Variants in MUC5B observed in about 807,000 individuals in gnomAD.
MUC5B encodes the protein mucin 5B, oligomeric mucus/gel-forming.
A neutral mutation model predicts 376.9 loss-of-function variants in MUC5B; 116 were observed. That is an observed-to-expected ratio of 0.31 (90% CI 0.26 to 0.36). The LOEUF is 0.36. Ranked by LOEUF, MUC5B falls within the 10% of genes least tolerant of loss-of-function variation. The probability of loss-of-function intolerance (pLI) is 1.00; values close to 1 mark genes in which losing one functional copy is unlikely to be tolerated. For synonymous variants in MUC5B, 3,517 were observed against 3,390.9 expected (o/e 1.04, Z -1.29); for missense variants, 7,165 against 7,769.9 (o/e 0.92, Z 2.93).
rs757073271 is a variant in MUC5B at position 1,244,667 on chromosome 11, C to T, written c.7787C>T (p.Pro2596Leu). ...TTGATGSVATPSSTPGTAHTT... is the reference protein window; with the variant it reads ...TTGATGSVATLSSTPGTAHTT... ...GGGGCCACCGGCTCTGTGGCCACCC[C>T]CTCCTCCACCCCAGGAACAGCTCAC... The change falls in exon 31 of 49, where the codon CCC (proline) becomes CTC (leucine). Residue 2596 changes from proline (P) to leucine (L), a missense_variant. Pro to Leu is a moderately conservative substitution (Grantham distance 98, BLOSUM62 -3). Transcript: ENST00000529681. 1 of 1,612,574 alleles carries T rather than the reference C, an allele frequency of 6.2e-7. No individual in the cohort carries two copies. The highest frequency in any genetic ancestry group is 1.3e-5 in the African/African-American group (1 of 74,906).
Position 1,227,797 on chromosome 11 carries a change from C to A in MUC5B, c.774+16C>A, listed in dbSNP as rs556368529. 1.4e-6 allele frequency: 1 copy of A among 696,804 alleles called. No individual in the cohort carries two copies. Among genetic ancestry groups the A allele is most frequent in the Non-Finnish European group, 2.7e-6 (1 of 369,390 alleles). 43.2% of individuals were successfully genotyped at this position (696,804 alleles called of 1,614,324 possible). ...CACGGACGAGGTGAGTCCCCCGCCA[C>A]CCCCAGCTCCTGGGCAGGGACGGCC... On this transcript the variant is annotated intron_variant, in intron 7 of 48. Transcript: ENST00000529681.
chr11:1,233,962 C>T, intron 19 of MUC5B, 114 bp downstream of exon 19: 1 of 1,097,014 alleles, frequency 9.1e-7, no homozygotes, highest in Admixed American at 2.0e-5. Flanking sequence ...CGGGCCAGGT[C>T]AGTCCTCACC....
intron 35 of MUC5B, 70 bp from the exon 36 acceptor site, chr11:1,254,971 T>C: frequency 5.9e-6 from 1 of 170,616 alleles, no homozygotes; most frequent in Non-Finnish European, 9.5e-6. Context: ...GGGGAATGAG[T>C]GGGGGAGGGG....
chr11:1,243,211 A>G lies in MUC5B; in HGVS notation c.6331A>G (p.Thr2111Ala), dbSNP rs1372777842. 6.3e-7 allele frequency: 1 copy of G among 1,579,564 alleles called. No homozygotes were observed. Among genetic ancestry groups the G allele is most frequent in the Non-Finnish European group, 8.6e-7 (1 of 1,163,196 alleles). The change falls in exon 31 of 49, where the codon ACT (threonine) becomes GCT (alanine). Residue 2111 changes from threonine (T) to alanine (A), a missense_variant. Thr to Ala is a moderately conservative substitution (Grantham distance 58). Coordinates refer to ENST00000529681, the MANE Select transcript of MUC5B (RefSeq NM_002458.3). ...CACAGTGCTGACCACCACCACCACA[A>G]CTGTGGCCACTGGTTCTATGGCAAC... ...TATVLTTTTT[T>A]VATGSMATPS...
rs1371283077 is a variant in MUC5B, at chr11:1,257,685, C to A, written c.16425C>A (p.Asn5475Lys). The A allele has an allele frequency of 7.0e-6, 11 of 1,565,264 alleles. No individual in the cohort carries two copies. Among genetic ancestry groups the A allele is most frequent in the East Asian group, 2.3e-5 (1 of 42,634 alleles). Residue 5475 changes from asparagine to lysine, a missense_variant, in exon 41 of 49, where the codon AAC (asparagine) becomes AAA (lysine). By Grantham distance (94) the Asn-to-Lys change is moderately conservative. Transcript: ENST00000529681. This position sits in a 1 kb window ranked among gnomAD's most constrained non-coding sequence, Gnocchi z 8.9. ...FVTVTRPRAE[N>K]PCCPETVCVC... The stretch of plus-strand genomic sequence containing the variant: ...CCGTGACCAGGCCCCGGGCCGAGAA[C>A]CCCTGCTGCCCCGAGACGGTGTGCG...
In MUC5B at chr11:1,258,085, C is replaced by T. The variant is rs1407315969; in HGVS notation, c.16451-14C>T. ...GTGAGCAGCGCCCAGACAGTGGCCT[C>T]CATCCTCCCGCAGTGTGCAACACAA... On this transcript the variant is annotated splice_polypyrimidine_tract_variant and intron_variant, in intron 41 of 48. Transcript: ENST00000529681. This position sits in a 1 kb window ranked among gnomAD's most constrained non-coding sequence, Gnocchi z 5.5. 1 of 1,565,220 alleles carries T rather than the reference C, an allele frequency of 6.4e-7. No homozygotes were observed. Among genetic ancestry groups the T allele is most frequent in the Non-Finnish European group, 8.6e-7 (1 of 1,156,190 alleles).
rs1272193746 is a variant in MUC5B at position 1,231,475 on chromosome 11, C to T, written c.1593C>T (p.Gly531=). ...PSSFFIVVQT[G]LGLQLLVQLV... is the part of the protein sequence containing the mutation. ...GCTTCTTCATCGTGGTGCAGACAGG[C>T]CTGGGGCTGCAGCTGCTGGTGCAGC... is the stretch of plus-strand genomic sequence containing the variant. The change falls in exon 14 of 49, where the codon GGC becomes GGT. Residue 531 remains glycine (G), a synonymous_variant. Coordinates refer to ENST00000529681, the MANE Select transcript of MUC5B (RefSeq NM_002458.3). 3 of 1,611,158 alleles carry T rather than the reference C, an allele frequency of 1.9e-6. No individual in the cohort carries two copies. Among genetic ancestry groups the T allele is most frequent in the Non-Finnish European group, 2.5e-6 (3 of 1,179,278 alleles).
In MUC5B at chr11:1,250,232, C is replaced by G. The variant is rs763494122; in HGVS notation, c.13352C>G (p.Thr4451Arg). Residue 4451 changes from threonine to arginine, a missense_variant, in exon 31 of 49, where the codon ACA becomes AGA. Coordinates refer to ENST00000529681, the MANE Select transcript of MUC5B (RefSeq NM_002458.3). ...SSTPGTTWILTEPSTTATVTV... is the reference protein window; with the variant it reads ...SSTPGTTWILREPSTTATVTV... Reference sequence around the variant, plus strand: ...ACCCCAGGGACCACCTGGATCCTCACAGAGCCGAGCACTACAGCCACCGTG... The same window carrying G: ...ACCCCAGGGACCACCTGGATCCTCAGAGAGCCGAGCACTACAGCCACCGTG... 2 of 1,609,108 alleles carry G rather than the reference C, an allele frequency of 1.2e-6. No individual in the cohort carries two copies. The highest frequency in any genetic ancestry group is 2.2e-5 in the South Asian group (2 of 90,926).
At chr11:1,259,152 G>A in intron 44 of MUC5B, 91 bp downstream of exon 44, 1 of 1,316,502 alleles carries the variant, frequency 7.6e-7, no homozygotes, top group Admixed American at 2.1e-5. Flanking sequence ...TGAGACCTGA[G>A]TCACCCGCCC....
rs1323078964 is a variant in MUC5B at position 1,261,662 on chromosome 11, T to C, written c.*54T>C. On this transcript the variant is annotated 3_prime_UTR_variant, in exon 49 of 49. Transcript: ENST00000529681. ...GTCCACCTGGAGCCAGGATGTGCAT[T>C]GTCTGATCATGAAAACCTTGGGCCT... The C allele has an allele frequency of 6.6e-7, 1 of 1,511,782 alleles. No individual in the cohort carries two copies. Among genetic ancestry groups the C allele is most frequent in the African/African-American group, 1.4e-5 (1 of 72,600 alleles). The allele number at this position is 1,511,782 out of a possible 1,614,324, so 93.6% of individuals were successfully genotyped here. A position where few individuals can be genotyped will look rare whatever the true frequency, so the allele number is the denominator to read the frequency against.
Position 1,246,010 on chromosome 11 carries a change from A to G in MUC5B, c.9130A>G (p.Ser3044Gly). The change falls in exon 31 of 49, where the codon AGT becomes GGT. Residue 3044 changes from serine to glycine, a missense_variant. Transcript: ENST00000529681. ...ATSSKATSSS[S>G]PRTATTLPVL... The stretch of plus-strand genomic sequence containing the variant: ...CAGTTCCAAAGCCACTTCCTCCTCC[A>G]GTCCAAGGACTGCAACCACCCTTCC... 1.2e-6 allele frequency: 2 copies of G among 1,612,868 alleles called. No individual in the cohort carries two copies. Among genetic ancestry groups the G allele is most frequent in the South Asian group, 1.1e-5 (1 of 91,040 alleles).
In MUC5B at chr11:1,253,000, C is replaced by T. The variant is rs201760542; in HGVS notation, c.15217+20C>T. The T allele has an allele frequency of 1.3e-4, 203 of 1,608,320 alleles. No homozygotes were observed. The highest frequency in any genetic ancestry group is 1.2e-3 in the East Asian group (55 of 44,596). ...GCGAGTGTGAGTGCGTCGGTGGCCG[C>T]GGGATTACCCCGGGGGCAGGTGGAG... On this transcript the variant is annotated intron_variant, in intron 33 of 48. Coordinates refer to ENST00000529681, the MANE Select transcript of MUC5B (RefSeq NM_002458.3).
At position 1,254,213 on chromosome 11, in the gene MUC5B, C is replaced by T. The variant is rs1478830551; in HGVS notation, c.15339C>T (p.Ser5113=). The T allele has an allele frequency of 6.2e-7, 1 of 1,612,786 alleles. No individual in the cohort carries two copies. Among genetic ancestry groups the T allele is most frequent in the Non-Finnish European group, 8.5e-7 (1 of 1,179,878 alleles). The part of the protein sequence containing the change: ...REIHARFGNL[S]LYLDNHYCTA... ...TCCATGCACGCTTTGGGAATCTCAG[C>T]CTCTACCTGGACAACCACTACTGCA... Residue 5113 remains serine, a synonymous_variant, in exon 34 of 49, where the codon AGC becomes AGT. Transcript: ENST00000529681.
rs74046268 is a variant in MUC5B, at chr11:1,224,175, C to A, written c.70+982C>A. 9.4e-3 allele frequency among the ~76,000 whole-genome samples: 1,435 copies of A among 152,332 alleles called. 18 individuals carry two copies. The highest frequency in any genetic ancestry group is 0.032 in the African/African-American group (1,336 of 41,572). On this transcript the variant is annotated intron_variant, in intron 1 of 48. Transcript: ENST00000529681. ...GCTCCCCTCACCTGAGCAGGCAGGGCCTAGGGACTCTCAGCCCACCCGTCC... is the reference window on the plus strand; with the variant it reads ...GCTCCCCTCACCTGAGCAGGCAGGGACTAGGGACTCTCAGCCCACCCGTCC...
intron 18 of MUC5B, among the ~76,000 whole-genome samples, 188 bp from the exon 19 acceptor site, chr11:1,233,605 G>A (rs1862084522): frequency 6.6e-6 from 1 of 152,126 alleles, no homozygotes; most frequent in Admixed American, 6.5e-5. Flanking sequence ...GCCCCCCTGT[G>A]TGTATTTACC....
In MUC5B at chr11:1,235,339, C is replaced by T. The variant is rs767367718; in HGVS notation, c.2806C>T (p.Arg936Cys). ...CGDNTTHGTF[R>C]IVTENIPCGT... ...GGACAACACCACCCACGGGACCTTC[C>T]GCATCGTCACCGAGAACATCCCCTG... The change falls in exon 23 of 49, where the codon CGC (arginine) becomes TGC (cysteine). Residue 936 changes from arginine (R) to cysteine (C), a missense_variant. Around this residue, in one of 31 missense-constraint regions of MUC5B, gnomAD observed 530 missense variants for 604.0 expected, o/e 0.88. Transcript: ENST00000529681. The T allele has an allele frequency of 3.7e-6, 6 of 1,612,802 alleles. No homozygotes were observed. Among genetic ancestry groups the T allele is most frequent in the African/African-American group, 2.7e-5 (2 of 74,904 alleles).
In MUC5B at chr11:1,244,623, C is replaced by T. The variant is rs1225771652; in HGVS notation, c.7743C>T (p.Thr2581=). Residue 2581 remains threonine (T), a synonymous_variant, in exon 31 of 49, where the codon ACC becomes ACT. Coordinates refer to ENST00000529681, the MANE Select transcript of MUC5B (RefSeq NM_002458.3). ...PETVHTSTVL[T]TTATTTGATG... is the part of the protein sequence containing the mutation. ...CTGTCCACACCTCCACAGTGCTTAC[C>T]ACCACGGCCACCACAACCGGGGCCA... is the stretch of plus-strand genomic sequence containing the variant. The T allele has an allele frequency of 4.8e-5, 77 of 1,613,620 alleles. No homozygotes were observed. Among genetic ancestry groups the T allele is most frequent in the Non-Finnish European group, 6.3e-5 (74 of 1,179,804 alleles).
chr11:1,227,786 G>T lies in MUC5B; in HGVS notation c.774+5G>T. 1.4e-6 allele frequency: 1 copy of T among 703,312 alleles called. No individual in the cohort carries two copies. Among genetic ancestry groups the T allele is most frequent in the Non-Finnish European group, 2.7e-6 (1 of 374,068 alleles). 43.6% of individuals were successfully genotyped at this position (703,312 alleles called of 1,614,324 possible). On this transcript the variant is annotated splice_donor_5th_base_variant and intron_variant, in intron 7 of 48. Coordinates refer to ENST00000529681, the MANE Select transcript of MUC5B (RefSeq NM_002458.3). ...GCCGGCAACTGCACGGACGAGGTGA[G>T]TCCCCCGCCACCCCCAGCTCCTGGG...
rs1590187548 is a variant in MUC5B, at chr11:1,250,327, A to C, written c.13447A>C (p.Thr4483Pro). The stretch of plus-strand genomic sequence containing the variant: ...AACTGCTGGCACCCCACATGTGAGC[A>C]CCACGGCCACGACACCCACAGTCAC... ...QATAGTPHVS[T>P]TATTPTVTSS... Residue 4483 changes from threonine to proline, a missense_variant, in exon 31 of 49, where the codon ACC becomes CCC. By Grantham distance (38) the Thr-to-Pro change is conservative. Around this residue, in one of 31 missense-constraint regions of MUC5B, gnomAD observed 431 missense variants for 390.4 expected, o/e 1.10. Coordinates refer to ENST00000529681, the MANE Select transcript of MUC5B (RefSeq NM_002458.3). The C allele has an allele frequency of 1.2e-6, 2 of 1,613,198 alleles. No individual in the cohort carries two copies. Among genetic ancestry groups the C allele is most frequent in the South Asian group, 1.1e-5 (1 of 91,068 alleles).
Sources: gnomAD v4.1 joint callset for allele counts (sites outside exome capture counted in the v4.1 genomes callset) on GRCh38, gnomAD v4.1.1 for gene constraint, gnomAD v4.1.1 regional missense constraint, Gnocchi (gnomAD v3.1) non-coding constraint, MANE v1.5 for transcripts, NCBI Gene and HGNC (gene_info 2026-07-23, HGNC 2026-07-21) for gene names.